Variants in LRRTM4 observed in about 807,000 individuals in gnomAD.
LRRTM4 encodes leucine-rich repeat transmembrane neuronal protein 4.
LRRTM4 carries 25 observed loss-of-function variants against 47.6 expected under a neutral mutation model. The ratio of observed to expected loss-of-function variants is 0.53; its 90% CI spans 0.38 to 0.73. LRRTM4 has a LOEUF of 0.73. Among genes scored for constraint, LRRTM4 ranks in the 30% least tolerant of loss-of-function variants. The pLI, the probability that LRRTM4 is intolerant of heterozygous loss-of-function variation, is 0.00. For missense variants in LRRTM4, 638 were observed against 713.4 expected (o/e 0.89, Z 1.20); for synonymous variants, 311 against 269.5 (o/e 1.15, Z -1.51).
intron 3 of LRRTM4, among the ~76,000 whole-genome samples, chr2:76,916,574 A>G (rs1674260487): frequency 6.6e-6 from 1 of 152,098 alleles, no homozygotes; most frequent in South Asian, 2.1e-4. Flanking sequence ...GCAATTAAAA[A>G]TATTCATTAT....
intron 3 of LRRTM4, among the ~76,000 whole-genome samples, chr2:76,960,893 C>A (rs1340214915): frequency 1.3e-5 from 2 of 151,356 alleles, no homozygotes; most frequent in African/African-American, 4.8e-5. Flanking sequence ...TAAATGCTCA[C>A]CATTTTTGTT....
At chr2:76,759,063 A>T (rs1673161195) in intron 3 of LRRTM4, among the ~76,000 whole-genome samples, 1 of 152,282 alleles carries the variant, frequency 6.6e-6, no homozygotes, top group East Asian at 1.9e-4. Flanking sequence ...CATTAAAAAA[A>T]CTAAAATCAT....
At chr2:76,750,250 C>T (rs1036435915) in intron 3 of LRRTM4, among the ~76,000 whole-genome samples, 5 of 152,180 alleles carry the variant, frequency 3.3e-5, no homozygotes, top group Admixed American at 6.5e-5. Context: ...AACATTTGAT[C>T]TCATCAAGCC....
At chr2:77,232,087 C>A (rs2103971997) in intron 3 of LRRTM4, among the ~76,000 whole-genome samples, 1 of 152,182 alleles carries the variant, frequency 6.6e-6, no homozygotes, top group African/African-American at 2.4e-5. Flanking sequence ...ACATCAACTT[C>A]TTGTATCAAA....
At chr2:77,031,663 CTA>C (rs1678660320) in intron 3 of LRRTM4, among the ~76,000 whole-genome samples, 1 of 152,110 alleles carries the variant, frequency 6.6e-6, no homozygotes. Context: ...AAAATGTCAC[CTA>C]TGTCTGATGA....
chr2:77,191,032 C>G (rs927131521), intron 3 of LRRTM4, among the ~76,000 whole-genome samples: 1 of 152,066 alleles, frequency 6.6e-6, no homozygotes, highest in Admixed American at 6.6e-5. Context: ...CAATCTAATA[C>G]GTTTGACTTA....
chr2:76,874,468 A>G (rs749283363), intron 3 of LRRTM4, among the ~76,000 whole-genome samples: 1 of 152,048 alleles, frequency 6.6e-6, no homozygotes, highest in Non-Finnish European at 1.5e-5. Context: ...CAGTAATTGA[A>G]TAACTGGGGT....
chr2:77,372,396 T>C (rs887771203), intron 3 of LRRTM4, among the ~76,000 whole-genome samples: 1 of 151,768 alleles, frequency 6.6e-6, no homozygotes, highest in Admixed American at 6.6e-5. Context: ...CTATCTGTTA[T>C]ACATTTTGCT....
chr2:77,471,326 T>C (rs1052538874), intron 3 of LRRTM4, among the ~76,000 whole-genome samples: 2 of 152,150 alleles, frequency 1.3e-5, no homozygotes, highest in African/African-American at 4.8e-5. Flanking sequence ...CAAGAATGAC[T>C]ACTAACCATC....
intron 3 of LRRTM4, among the ~76,000 whole-genome samples, chr2:77,253,440 C>G (rs971733220): frequency 6.6e-6 from 1 of 152,088 alleles, no homozygotes; most frequent in African/African-American, 2.4e-5. Flanking sequence ...ACTCTCCTAA[C>G]CTCTGTTGAA....
intron 3 of LRRTM4, among the ~76,000 whole-genome samples, chr2:77,272,224 C>T (rs958458493): frequency 2.0e-5 from 3 of 152,022 alleles, no homozygotes; most frequent in Admixed American, 6.6e-5. Context: ...TAAACCTTGC[C>T]ATTTGTGACT....
At chr2:77,177,794 C>A (rs1409174521) in intron 3 of LRRTM4, among the ~76,000 whole-genome samples, 1 of 152,088 alleles carries the variant, frequency 6.6e-6, no homozygotes, top group Non-Finnish European at 1.5e-5. Flanking sequence ...TGAGTACAGC[C>A]CCTCTTCATA....
chr2:76,816,109 T>A (rs1214788948), intron 3 of LRRTM4, among the ~76,000 whole-genome samples: 2 of 152,122 alleles, frequency 1.3e-5, no homozygotes, highest in East Asian at 3.9e-4. Flanking sequence ...TCCTCCCTGC[T>A]TTCCTGTGTT....
intron 3 of LRRTM4, among the ~76,000 whole-genome samples, chr2:77,405,729 TA>T (rs1674156733): frequency 6.6e-6 from 1 of 152,162 alleles, no homozygotes; most frequent in Non-Finnish European, 1.5e-5. Context: ...ACTTGAGAGC[TA>T]AGAATCAGGT....
intron 3 of LRRTM4, among the ~76,000 whole-genome samples, chr2:77,316,151 A>T (rs1244859698): frequency 6.6e-6 from 1 of 152,126 alleles, no homozygotes; most frequent in Non-Finnish European, 1.5e-5. Context: ...TGCTTGCTTT[A>T]TAATTTGGGG....
At chr2:76,812,349 T>G (rs1010815644) in intron 3 of LRRTM4, among the ~76,000 whole-genome samples, 3 of 152,208 alleles carry the variant, frequency 2.0e-5, no homozygotes, top group Admixed American at 6.5e-5. Flanking sequence ...CATTGAGTGT[T>G]TTCCTGGCCA....
At chr2:77,008,880 C>G (rs757963799) in intron 3 of LRRTM4, 1 of 150,062 alleles carries the variant, frequency 6.7e-6, no homozygotes, top group African/African-American at 2.4e-5. Context: ...CACTTTCTGT[C>G]TAACACTTTA....
chr2:77,489,192 A>G (rs975035765), intron 3 of LRRTM4, among the ~76,000 whole-genome samples: 2 of 152,140 alleles, frequency 1.3e-5, no homozygotes, highest in African/African-American at 2.4e-5. Flanking sequence ...ATATCTTCAA[A>G]TTGCCTCTTG....
At chr2:76,827,524 C>T (rs996313187) in intron 3 of LRRTM4, among the ~76,000 whole-genome samples, 1 of 151,776 alleles carries the variant, frequency 6.6e-6, no homozygotes, top group African/African-American at 2.4e-5. Context: ...GGAAACTACA[C>T]ATAATGATGA....
Sources: allele counts gnomAD v4.1 joint callset (sites outside exome capture counted in the v4.1 genomes callset), GRCh38; gene constraint gnomAD v4.1.1; transcripts MANE v1.5; gene names NCBI Gene and HGNC (gene_info 2026-07-23, HGNC 2026-07-21).